The following MTA3 variants were observed in gnomAD, a reference collection of about 807,000 sequenced individuals.
The protein encoded by MTA3 is metastasis associated 1 family member 3, also known as metastasis-associated protein MTA3.
Under a neutral mutation model 83.5 loss-of-function variants are expected in MTA3, and 34 were observed. The observed-to-expected ratio is 0.41, with a 90% CI of 0.31 to 0.54. The LOEUF (loss-of-function observed/expected upper bound fraction) is 0.54, where lower values mean the gene tolerates loss of function less well. Among genes scored for constraint, MTA3 ranks in the 20% least tolerant of loss-of-function variants. The probability of loss-of-function intolerance (pLI) is 0.33; values close to 1 mark genes in which losing one functional copy is unlikely to be tolerated. For synonymous variants in MTA3, 303 were observed against 252.7 expected (o/e 1.20, Z -1.89); for missense variants, 761 against 726.4 (o/e 1.05, Z -0.55).
rs551233391 is a variant in MTA3, at chr2:42,531,692, C to T, written c.-141+36438C>T. ...GGTCTCAAACTCCTGACCTTGTGAT[C>T]TGTCCACATCAGCCTCCCAAAGTGC... On this transcript the variant is annotated intron_variant, in intron 2 of 17. Coordinates refer to the MTA3 transcript ENST00000405592. Among the ~76,000 whole-genome samples the T allele has an allele frequency of 2.0e-5, 3 of 151,754 alleles. No homozygotes were observed. In the East Asian group the frequency reaches 5.8e-4, roughly 29 times the overall value.
At chr2:42,499,429 A>G (rs111576803) in intron 2 of MTA3, among the ~76,000 whole-genome samples, 67,643 of 150,668 alleles carry the variant, frequency 0.45, 15,482 homozygotes, top group Middle Eastern at 0.54. Context: ...GCCTCCCAAA[A>G]TGCTGGGATT....
chr2:42,633,260 C>G (rs1199625678), intron 4 of MTA3, among the ~76,000 whole-genome samples: 2 of 150,576 alleles, frequency 1.3e-5, no homozygotes, highest in Admixed American at 6.6e-5. Flanking sequence ...GCATGGTGAC[C>G]GAGTGAAAGT....
intron 1 of MTA3, among the ~76,000 whole-genome samples, chr2:42,569,135 G>A (rs1392317415): frequency 6.6e-6 from 1 of 151,566 alleles, no homozygotes; most frequent in Admixed American, 6.6e-5. Flanking sequence ...CTAGGCGCTG[G>A]AGAGGATGAG....
chr2:42,684,025 T>C (rs1452927261), intron 9 of MTA3, among the ~76,000 whole-genome samples: 2 of 152,226 alleles, frequency 1.3e-5, no homozygotes, highest in Non-Finnish European at 2.9e-5. Context: ...TACATATACA[T>C]TGTGAAATGA....
intron 2 of MTA3, among the ~76,000 whole-genome samples, chr2:42,502,943 C>T (rs1674464114): frequency 6.7e-6 from 1 of 149,648 alleles, no homozygotes; most frequent in African/African-American, 2.5e-5. Context: ...GCCTGGGAGA[C>T]AGGGCAAGAC....
intron 3 of MTA3, among the ~76,000 whole-genome samples, chr2:42,605,831 G>A (rs1231707933): frequency 2.3e-5 from 3 of 133,200 alleles, no homozygotes; most frequent in East Asian, 2.4e-4. Context: ...GCGGCTGGCC[G>A]GGTGGAGGGC....
At chr2:42,572,477 G>A (rs1678598241) in intron 2 of MTA3, among the ~76,000 whole-genome samples, 1 of 151,982 alleles carries the variant, frequency 6.6e-6, no homozygotes, top group Non-Finnish European at 1.5e-5. Context: ...TACTTGGGAG[G>A]CTGAGGAAGA....
In MTA3 at chr2:42,651,798, T is replaced by A. The variant is rs1448912175; in HGVS notation, c.500-4402T>A. Among the ~76,000 whole-genome samples the A allele has an allele frequency of 7.3e-5, 10 of 137,378 alleles. No individual in the cohort carries two copies. In the Admixed American group the frequency reaches 7.5e-4, roughly 10 times the overall value. The allele number at this position is 137,378 out of a possible 152,430, so 90.1% of individuals were successfully genotyped here. A position where few individuals can be genotyped will look rare whatever the true frequency, so the allele number is the denominator to read the frequency against. ...CTGGGTGACAGAGCGAGACCTTGTC[T>A]CAAAAAAAAAAAAGAGGCTGGGCAT... On this transcript the variant is annotated intron_variant, in intron 6 of 16. Coordinates refer to ENST00000405094, the MANE Select transcript of MTA3 (RefSeq NM_001330442.2).
At chr2:42,508,571 A>C (rs1674746438) in intron 2 of MTA3, among the ~76,000 whole-genome samples, 1 of 151,682 alleles carries the variant, frequency 6.6e-6, no homozygotes, top group Non-Finnish European at 1.5e-5. Flanking sequence ...GGCCTCAAGC[A>C]GTCCTCCCGC....
intron 2 of MTA3, among the ~76,000 whole-genome samples, chr2:42,516,283 T>G (rs945872356): frequency 6.6e-6 from 1 of 152,206 alleles, no homozygotes; most frequent in African/African-American, 2.4e-5. Context: ...AAGGGATTTT[T>G]GACCGCACTT....
chr2:42,748,243 T>TGTGTGTGTGTGTGTGTGTG (rs771046809), intron 16 of MTA3, among the ~76,000 whole-genome samples: 1 of 84,172 alleles, frequency 1.2e-5, no homozygotes, highest in Non-Finnish European at 2.5e-5. Flanking sequence ...GTGTGTGTGT[T>TGTGTGTGTGTGTGTGTGTG]TTAGTAGAGA....
At chr2:42,730,504 A>G (rs1344471589) in intron 16 of MTA3, among the ~76,000 whole-genome samples, 1 of 152,206 alleles carries the variant, frequency 6.6e-6, no homozygotes, top group Non-Finnish European at 1.5e-5. Context: ...TTGATGTGAT[A>G]TATTACACTG....
At chr2:42,512,177 A>G (rs1228630031) in intron 2 of MTA3, among the ~76,000 whole-genome samples, 2 of 151,180 alleles carry the variant, frequency 1.3e-5, no homozygotes, top group Admixed American at 1.3e-4. Context: ...ACTAGAGATC[A>G]ACCTCAACTT....
intron 4 of MTA3, among the ~76,000 whole-genome samples, chr2:42,618,452 A>G (rs1174857402): frequency 6.6e-6 from 1 of 152,216 alleles, no homozygotes; most frequent in Non-Finnish European, 1.5e-5. Context: ...GCTGTATGTT[A>G]AAAATTTTAA....
chr2:42,520,929 C>A (rs917192743), intron 2 of MTA3, among the ~76,000 whole-genome samples: 1 of 152,104 alleles, frequency 6.6e-6, no homozygotes, highest in Non-Finnish European at 1.5e-5. Flanking sequence ...CTCAAGTTCT[C>A]GACTTTGATA....
intron 8 of MTA3, among the ~76,000 whole-genome samples, chr2:42,661,074 A>G (rs1022145338): frequency 6.6e-6 from 1 of 152,220 alleles, no homozygotes; most frequent in Non-Finnish European, 1.5e-5. Context: ...CTCAAAGACT[A>G]GAATTGTTCA....
chr2:42,603,717 C>T (rs1428880679), intron 3 of MTA3, among the ~76,000 whole-genome samples: 2 of 152,138 alleles, frequency 1.3e-5, no homozygotes, highest in African/African-American at 4.8e-5. Context: ...TTCCTGAAAT[C>T]CTTTCCAGGG....
chr2:42,732,274 C>G (rs1043060807), intron 16 of MTA3, among the ~76,000 whole-genome samples: 1 of 152,222 alleles, frequency 6.6e-6, no homozygotes, highest in African/African-American at 2.4e-5. Context: ...CTTCTGAAAT[C>G]TAGATGGAGG....
At chr2:42,570,727 A>G (rs58723106) in intron 2 of MTA3, among the ~76,000 whole-genome samples, 2,183 of 151,994 alleles carry the variant, frequency 0.014, 61 homozygotes, top group African/African-American at 0.05. Flanking sequence ...AAGTAAAAAT[A>G]TGGCTGGGTG....
Sources: gnomAD v4.1 joint callset for allele counts (sites outside exome capture counted in the v4.1 genomes callset) on GRCh38, gnomAD v4.1.1 for gene constraint, MANE v1.5 for transcripts, NCBI Gene and HGNC (gene_info 2026-07-23, HGNC 2026-07-21) for gene names.